The following VAT1L variants were observed in gnomAD, a reference collection of about 807,000 sequenced individuals.
The protein encoded by VAT1L is vesicle amine transport 1 like, also known as putative NADPH-dependent quinone oxidoreductase VAT1L.
A neutral mutation model predicts 44.1 loss-of-function variants in VAT1L; 34 were observed. The observed-to-expected ratio is 0.77, with a 90% CI of 0.59 to 1.03. The LOEUF (loss-of-function observed/expected upper bound fraction) is 1.03, where lower values mean the gene tolerates loss of function less well. Among genes scored for constraint, VAT1L ranks in the 50% least tolerant of loss-of-function variants. The pLI is 0.00. For missense variants in VAT1L, 615 were observed against 538.8 expected (o/e 1.14, Z -1.40); for synonymous variants, 253 against 202.2 (o/e 1.25, Z -2.13).
At chr16:77,828,079 T>G (rs2016543105) in intron 3 of VAT1L, among the ~76,000 whole-genome samples, 1 of 152,144 alleles carries the variant, frequency 6.6e-6, no homozygotes, top group African/African-American at 2.4e-5. Flanking sequence ...TGTGTGGCAA[T>G]TAAAGGTTAC....
At chr16:77,932,128 G>A (rs1369392297) in intron 7 of VAT1L, among the ~76,000 whole-genome samples, 1 of 135,484 alleles carries the variant, frequency 7.4e-6, no homozygotes, top group Admixed American at 7.9e-5. Context: ...TTTTGAGATG[G>A]AGTCTCGTTC....
intron 7 of VAT1L, among the ~76,000 whole-genome samples, chr16:77,912,087 G>T (rs1368398330): frequency 1.3e-5 from 2 of 152,130 alleles, no homozygotes; most frequent in African/African-American, 4.8e-5. Context: ...ATAGTAGAAA[G>T]ACAAACATTC....
At chr16:77,795,429 C>T (rs898417292) in intron 1 of VAT1L, among the ~76,000 whole-genome samples, 57 of 152,104 alleles carry the variant, frequency 3.7e-4, no homozygotes, top group African/African-American at 1.2e-3. Flanking sequence ...TAACAAATAG[C>T]TAAAATGTGC....
At chr16:77,932,102 A>ATT (rs33928206) in intron 7 of VAT1L, among the ~76,000 whole-genome samples, 30,065 of 126,534 alleles carry the variant, frequency 0.24, 4,115 homozygotes, top group Non-Finnish European at 0.27. Context: ...AAATACAGTA[A>ATT]TTTTTTTTTT....
At chr16:77,895,125 T>C (rs903210104) in intron 7 of VAT1L, among the ~76,000 whole-genome samples, 15 of 15,106 alleles carry the variant, frequency 9.9e-4, no homozygotes, top group Admixed American at 4.3e-3. Flanking sequence ...CACTCACACA[T>C]TTCCGATTTC....
At chr16:77,967,050 G>A (rs2018230753) in intron 7 of VAT1L, among the ~76,000 whole-genome samples, 1 of 151,838 alleles carries the variant, frequency 6.6e-6, no homozygotes, top group Non-Finnish European at 1.5e-5. Context: ...CTATCTTCTG[G>A]GCACTGTCAC....
At chr16:77,877,435 C>T (rs1265680437) in intron 5 of VAT1L, among the ~76,000 whole-genome samples, 1 of 147,820 alleles carries the variant, frequency 6.8e-6, no homozygotes, top group African/African-American at 2.5e-5. Flanking sequence ...ATGGCATGAA[C>T]CCGGGAGGCG....
intron 7 of VAT1L, among the ~76,000 whole-genome samples, chr16:77,970,751 A>C (rs2018270257): frequency 6.6e-6 from 1 of 152,218 alleles, no homozygotes; most frequent in Non-Finnish European, 1.5e-5. Context: ...AGCAATTAGA[A>C]TACAAACATT....
chr16:77,796,487 A>G (rs1949314690), intron 1 of VAT1L, among the ~76,000 whole-genome samples: 2 of 152,204 alleles, frequency 1.3e-5, no homozygotes, highest in South Asian at 2.1e-4. Context: ...GCTATAACCA[A>G]TTTGGGTTCA....
chr16:77,927,403 T>A (rs914919521), intron 7 of VAT1L, among the ~76,000 whole-genome samples: 10 of 151,444 alleles, frequency 6.6e-5, no homozygotes, highest in Admixed American at 6.6e-4. Flanking sequence ...GTCCCTACTT[T>A]ACAGATGAAG....
chr16:77,946,613 C>G (rs2017970393), intron 7 of VAT1L, among the ~76,000 whole-genome samples: 1 of 152,120 alleles, frequency 6.6e-6, no homozygotes, highest in South Asian at 2.1e-4. Flanking sequence ...TAAACCTCTA[C>G]TTGGAATTTT....
rs917124165 is a variant in VAT1L at position 77,804,147 on chromosome 16, T to C, written c.234-12774T>C. Among the ~76,000 whole-genome samples, 8 of 152,322 alleles carry C rather than the reference T, an allele frequency of 5.3e-5. No homozygotes were observed. The South Asian group carries it at 1.5e-3, about 28-fold the overall frequency. On this transcript the variant is annotated intron_variant, in intron 1 of 8. Transcript: ENST00000302536. The stretch of plus-strand genomic sequence containing the variant: ...CACAGAGGGGTCTGTTGAATTTCAA[T>C]TGGATGACATTAAATGTTCTATGCA...
intron 1 of VAT1L, among the ~76,000 whole-genome samples, chr16:77,797,146 C>T (rs1471566066): frequency 6.6e-6 from 1 of 151,284 alleles, no homozygotes; most frequent in Non-Finnish European, 1.5e-5. Context: ...GGGTCTCGCT[C>T]TATCACCCAG....
rs755078723 is a variant in VAT1L, at chr16:77,977,647, C to T, written c.1212C>T (p.Asp404=). The change falls in exon 9 of 9, where the codon GAC becomes GAT. Residue 404 remains aspartate (D), a synonymous_variant. Coordinates refer to ENST00000302536, the MANE Select transcript of VAT1L (RefSeq NM_020927.3). ...GTGAAGCAGGGGAAGAGGAGGAGGA[C>T]CACGAGGGAGACAGCGAGAACAAGG... ...ETSEAGEEEE[D]HEGDSENKER... 5.4e-5 allele frequency: 87 copies of T among 1,613,948 alleles called. No individual in the cohort carries two copies. The Admixed American group carries it at 1.3e-3, about 25-fold the overall frequency.
At chr16:77,882,571 G>A (rs2017166558) in intron 6 of VAT1L, among the ~76,000 whole-genome samples, 1 of 152,206 alleles carries the variant, frequency 6.6e-6, no homozygotes, top group Non-Finnish European at 1.5e-5. Context: ...AGGAAATTGA[G>A]CACAGAGAAG....
intron 7 of VAT1L, among the ~76,000 whole-genome samples, chr16:77,887,454 G>C (rs2017220369): frequency 6.6e-6 from 1 of 152,292 alleles, no homozygotes; most frequent in African/African-American, 2.4e-5. Flanking sequence ...TAAGGAATAG[G>C]AAAAGCATGC....
At chr16:77,826,069 T>G (rs2016518343) in intron 3 of VAT1L, among the ~76,000 whole-genome samples, 11 of 136,714 alleles carry the variant, frequency 8.0e-5, no homozygotes, top group Admixed American at 2.3e-4. Context: ...TAGCCGGGCG[T>G]AGTGGCGGGC....
chr16:77,942,345 G>C (rs56407011), intron 7 of VAT1L, among the ~76,000 whole-genome samples: 20,980 of 152,018 alleles, frequency 0.14, 1,518 homozygotes, highest in Middle Eastern at 0.22. Context: ...ACCTCCCCCT[G>C]GTTCCCTCCC....
chr16:77,916,786 A>T (rs1396451818), intron 7 of VAT1L, among the ~76,000 whole-genome samples: 2 of 146,424 alleles, frequency 1.4e-5, no homozygotes, highest in Non-Finnish European at 3.0e-5. Flanking sequence ...CTTATACTAC[A>T]CTGCGCTTTG....
Sources: allele counts gnomAD v4.1 joint callset (sites outside exome capture counted in the v4.1 genomes callset), GRCh38; gene constraint gnomAD v4.1.1; transcripts MANE v1.5; gene names NCBI Gene and HGNC (gene_info 2026-07-23, HGNC 2026-07-21).